Variants in PCDHA3 observed in about 807,000 individuals in gnomAD.
PCDHA3 encodes the protein protocadherin alpha 3.
PCDHA3 carries 41 observed loss-of-function variants against 62.2 expected under a neutral mutation model. The ratio of observed to expected loss-of-function variants is 0.66; its 90% confidence interval spans 0.51 to 0.86. The LOEUF (loss-of-function observed/expected upper bound fraction) is 0.86. Among genes scored for constraint, PCDHA3 ranks in the 40% least tolerant of loss-of-function variants. The pLI is 0.00. For synonymous variants in PCDHA3, 640 were observed against 555.4 expected, an observed-to-expected ratio of 1.15 and a Z score of -2.14; for missense variants, 1,304 against 1,241.2, an observed-to-expected ratio of 1.05 and a Z score of -0.76.
At chr5:140,921,998 A>G (rs1247902071) in intron 1 of PCDHA3, among the ~76,000 whole-genome samples, 3 of 152,206 alleles carry the variant, frequency 2.0e-5, no homozygotes, top group African/African-American at 7.2e-5. Flanking sequence ...AGTTCAATGA[A>G]ATGATTAGTT....
Position 140,875,563 on chromosome 5 carries a change from C to T in PCDHA3, c.2394+71972C>T, listed in dbSNP as rs1554167760. The T allele has an allele frequency of 3.1e-6, 5 of 1,614,014 alleles. No homozygotes were observed. The Admixed American group carries it at 8.3e-5, about 27-fold the overall frequency. ...AGCCTGGGAGGTGGGGAGCGGCCAG[C>T]TCCACTACTCCGTCTACGAGGAGGC... On this transcript the variant is annotated intron_variant, in intron 1 of 3. Transcript: ENST00000522353.
At chr5:140,903,429 G>T (rs782504374) in intron 1 of PCDHA3, among the ~76,000 whole-genome samples, 2 of 152,180 alleles carry the variant, frequency 1.3e-5, no homozygotes, top group South Asian at 4.1e-4. Context: ...AGCACAATAT[G>T]TATCAGTGGA....
chr5:140,822,604 G>C (rs2150117733), intron 1 of PCDHA3: 5 of 1,608,224 alleles, frequency 3.1e-6, no homozygotes, highest in Middle Eastern at 1.7e-4. Context: ...TAAGGAAATA[G>C]TGTATTTCTT....
chr5:140,828,949 A>C (rs1770047572), intron 1 of PCDHA3: 1 of 1,614,264 alleles, frequency 6.2e-7, no homozygotes, highest in Non-Finnish European at 8.5e-7. Context: ...GCCTTGTTGC[A>C]GCCATGGTTA....
intron 3 of PCDHA3, among the ~76,000 whole-genome samples, chr5:140,982,861 G>A (rs1356683030): frequency 1.3e-5 from 2 of 152,110 alleles, no homozygotes; most frequent in African/African-American, 4.8e-5. Flanking sequence ...CCTTTCAAAT[G>A]CTTAGGTCAT....
In PCDHA3 at chr5:141,009,853, G is replaced by A. The variant is rs1482682626; in HGVS notation, c.2769G>A (p.Lys923=). The change falls in exon 4 of 4, where the codon AAG becomes AAA. Residue 923 remains lysine (K), a synonymous_variant. Transcript: ENST00000522353. ...FITFGKKEET[K]KKKKKKKGNK... ...CCTTCGGCAAAAAGGAGGAGACCAAGAAAAAGAAGAAAAAGAAGAAGGGTA... is the reference window on the plus strand; with the variant it reads ...CCTTCGGCAAAAAGGAGGAGACCAAAAAAAAGAAGAAAAAGAAGAAGGGTA... 12 of 1,613,590 alleles carry A rather than the reference G, an allele frequency of 7.4e-6. No individual in the cohort carries two copies. Among genetic ancestry groups the A allele is most frequent in the Non-Finnish European group, 1.0e-5 (12 of 1,179,924 alleles).
intron 1 of PCDHA3, among the ~76,000 whole-genome samples, chr5:140,826,763 G>C (rs1554130659): frequency 6.6e-6 from 1 of 152,136 alleles, no homozygotes; most frequent in Non-Finnish European, 1.5e-5. Context: ...ATTCATATTG[G>C]AGAGTAATTG....
At chr5:140,870,333 C>A in intron 1 of PCDHA3, 1 of 1,614,164 alleles carries the variant, frequency 6.2e-7, no homozygotes, top group Non-Finnish European at 8.5e-7. Flanking sequence ...TGCTGGACAG[C>A]GCCCTGGACC....
chr5:140,869,633 A>G (rs376162708), intron 1 of PCDHA3: 3 of 1,613,612 alleles, frequency 1.9e-6, no homozygotes, highest in Non-Finnish European at 2.5e-6. Context: ...AAAAATGAGT[A>G]TTTTTCTTTA....
At chr5:140,943,729 A>C (rs1215938127) in intron 1 of PCDHA3, among the ~76,000 whole-genome samples, 2 of 152,256 alleles carry the variant, frequency 1.3e-5, no homozygotes, top group Non-Finnish European at 2.9e-5. Context: ...TGAGAGAATG[A>C]AAGTCCACAG....
chr5:140,966,951 C>G lies in PCDHA3; in HGVS notation c.2395-11998C>G, dbSNP rs781885198. 3.1e-5 allele frequency: 50 copies of G among 1,603,624 alleles called. No individual in the cohort carries two copies. The highest frequency in any genetic ancestry group is 4.2e-5 in the Non-Finnish European group (50 of 1,178,520). The stretch of plus-strand genomic sequence containing the variant: ...CCCGGCGCGCTCGTGGGCAACGTGG[C>G]TCGCGCGCTGGGGCTTGAGCTGCGG... On this transcript the variant is annotated intron_variant, in intron 1 of 3. Coordinates refer to ENST00000522353, the MANE Select transcript of PCDHA3 (RefSeq NM_018906.3).
At chr5:140,962,454 T>A (rs1554226040) in intron 1 of PCDHA3, among the ~76,000 whole-genome samples, 1 of 152,194 alleles carries the variant, frequency 6.6e-6, no homozygotes, top group Non-Finnish European at 1.5e-5. Flanking sequence ...TTGAATCTCT[T>A]ATGGCTTGAA....
intron 1 of PCDHA3, chr5:140,867,114 G>A (rs567577345): frequency 6.6e-6 from 1 of 152,050 alleles, no homozygotes; most frequent in Non-Finnish European, 1.5e-5. Flanking sequence ...TTAACATATT[G>A]TTTTAATTCA....
At position 140,848,735 on chromosome 5, in the gene PCDHA3, G is replaced by A. The variant is rs141612292; in HGVS notation, c.2394+45144G>A. On this transcript the variant is annotated intron_variant, in intron 1 of 3. Transcript: ENST00000522353. ...GGGACCTTCTGGAGGTAAATCTGCA[G>A]AATGGCATTTTGTTTGTGAATTCTC... 5.7e-6 allele frequency: 9 copies of A among 1,592,880 alleles called. No homozygotes were observed. In the African/African-American group the frequency reaches 1.1e-4, roughly 19 times the overall value.
At chr5:140,863,914 T>C (rs2048229981) in intron 1 of PCDHA3, 1 of 162,444 alleles carries the variant, frequency 6.2e-6, no homozygotes, top group Non-Finnish European at 1.4e-5. Context: ...GGCACAAGAA[T>C]TGCTTGAACC....
At chr5:140,808,359 C>T (rs1554124493) in intron 1 of PCDHA3, 1 of 1,614,218 alleles carries the variant, frequency 6.2e-7, no homozygotes, top group Admixed American at 1.7e-5. Flanking sequence ...TCCTTGACGT[C>T]CCACGTCCCC....
rs2150108266 is a variant in PCDHA3 at position 140,820,912 on chromosome 5, A to T, written c.2394+17321A>T. 5.3e-5 allele frequency among the ~76,000 whole-genome samples: 8 copies of T among 152,240 alleles called. No individual in the cohort carries two copies. In the South Asian group the frequency reaches 1.7e-3, roughly 32 times the overall value. On this transcript the variant is annotated intron_variant, in intron 1 of 3. Coordinates refer to ENST00000522353, the MANE Select transcript of PCDHA3 (RefSeq NM_018906.3). ...GACGATTTACCAAAGTCGTTCTATT[A>T]TGCTTTTGATTTCTAGAAAGCTGAA...
intron 1 of PCDHA3, among the ~76,000 whole-genome samples, chr5:140,855,548 C>T (rs1345944772): frequency 1.3e-5 from 2 of 149,752 alleles, no homozygotes; most frequent in Non-Finnish European, 3.0e-5. Flanking sequence ...AGTGTCAGAA[C>T]TTAAATGGAA....
chr5:140,803,009 C>G lies in PCDHA3; in HGVS notation c.1812C>G (p.Asn604Lys). The change falls in exon 1 of 4, where the codon AAC becomes AAG. Residue 604 changes from asparagine (N) to lysine (K), a missense_variant. Physicochemically the swap from Asn to Lys is moderately conservative, Grantham distance 94. Transcript: ENST00000522353. Reference protein sequence around the residue: ...VRAVDADSGYNAWLSYELQPG... With the variant: ...VRAVDADSGYKAWLSYELQPG... The stretch of plus-strand genomic sequence containing the variant: ...CAGTGGATGCAGACTCAGGCTACAA[C>G]GCGTGGCTTTCGTATGAGCTGCAGC... 1 of 1,614,016 alleles carries G rather than the reference C, an allele frequency of 6.2e-7. No homozygotes were observed. The highest frequency in any genetic ancestry group is 1.3e-5 in the African/African-American group (1 of 75,058).
Sources: allele counts gnomAD v4.1 joint callset (sites outside exome capture counted in the v4.1 genomes callset), GRCh38; gene constraint gnomAD v4.1.1; transcripts MANE v1.5; gene names NCBI Gene and HGNC (gene_info 2026-07-23, HGNC 2026-07-21).